THSD4: variants seen among roughly 807,000 people sequenced by gnomAD.
THSD4 encodes thrombospondin type 1 domain containing 4, also known as thrombospondin type-1 domain-containing protein 4.
THSD4 carries 69 observed loss-of-function variants against 119.0 expected under a neutral mutation model. The ratio of observed to expected loss-of-function variants is 0.58; its 90% CI spans 0.48 to 0.71. The LOEUF is 0.71. Ranked by LOEUF, THSD4 falls within the 30% of genes least tolerant of loss-of-function variation. The probability of loss-of-function intolerance (pLI) is 0.00; values close to 1 mark genes in which losing one functional copy is unlikely to be tolerated. For missense variants in THSD4, 1,393 were observed against 1,391.1 expected, an observed-to-expected ratio of 1.00 and a Z score of -0.02; for synonymous variants, 524 against 540.4, an observed-to-expected ratio of 0.97 and a Z score of 0.42.
intron 8 of THSD4, among the ~76,000 whole-genome samples, chr15:71,701,068 A>T (rs1292306223): frequency 6.6e-6 from 1 of 152,188 alleles, no homozygotes; most frequent in Non-Finnish European, 1.5e-5. Context: ...CTATGTCAAA[A>T]GACACTATTA....
chr15:71,438,331 T>A (rs1178219629), intron 7 of THSD4, among the ~76,000 whole-genome samples: 1 of 35,422 alleles, frequency 2.8e-5, no homozygotes, highest in East Asian at 2.2e-3. Context: ...TGAAATTTTG[T>A]TTATTTTTGC....
chr15:71,199,688 G>C (rs1161032100), intron 3 of THSD4, among the ~76,000 whole-genome samples: 1 of 141,948 alleles, frequency 7.0e-6, no homozygotes. Context: ...GTGTGTGTGT[G>C]TGGTGTGTGT....
intron 7 of THSD4, among the ~76,000 whole-genome samples, chr15:71,560,970 C>CTTT (rs11292320): frequency 2.4e-5 from 3 of 123,990 alleles, no homozygotes; most frequent in Admixed American, 1.7e-4. Flanking sequence ...TTCTCTTTAT[C>CTTT]TTTTTTTTTT....
intron 3 of THSD4, among the ~76,000 whole-genome samples, chr15:71,199,605 TGTGTGTGGTGTGTGG>T (rs2043758494): frequency 2.1e-5 from 3 of 143,416 alleles, no homozygotes; most frequent in African/African-American, 5.5e-5. Flanking sequence ...TGATGTATGG[TGTGTGTGGTGTGTGG>T]GTGTGTGGTG....
intron 7 of THSD4, among the ~76,000 whole-genome samples, chr15:71,463,370 G>A (rs1306188823): frequency 2.0e-5 from 3 of 152,116 alleles, no homozygotes; most frequent in Admixed American, 6.5e-5. Flanking sequence ...TCACCTCCCT[G>A]CCCCCTTCCA....
At chr15:71,294,385 G>A (rs2044833203) in intron 6 of THSD4, among the ~76,000 whole-genome samples, 1 of 152,148 alleles carries the variant, frequency 6.6e-6, no homozygotes, top group Non-Finnish European at 1.5e-5. Context: ...GACCCAAGCA[G>A]GCTGAGTTGG....
intron 7 of THSD4, among the ~76,000 whole-genome samples, chr15:71,562,192 A>G (rs1432840148): frequency 6.6e-6 from 1 of 152,214 alleles, no homozygotes; most frequent in African/African-American, 2.4e-5. Flanking sequence ...GGCAAGGGAA[A>G]GCTTGGGGGT....
intron 8 of THSD4, among the ~76,000 whole-genome samples, chr15:71,716,596 T>G (rs1356362223): frequency 1.8e-5 from 2 of 110,996 alleles, no homozygotes; most frequent in South Asian, 2.8e-4. Context: ...TTTTGTTTTT[T>G]TTTTTGTAGT....
chr15:71,687,832 T>C, intron 8 of THSD4, among the ~76,000 whole-genome samples: 1 of 152,070 alleles, frequency 6.6e-6, no homozygotes, highest in East Asian at 1.9e-4. Context: ...AATATTTGAA[T>C]GCAAATATTT....
chr15:71,194,812 C>T (rs1439075234), intron 3 of THSD4, among the ~76,000 whole-genome samples: 1 of 152,220 alleles, frequency 6.6e-6, no homozygotes, highest in Non-Finnish European at 1.5e-5. Flanking sequence ...GATTGTAAGA[C>T]ACAGCCCATG....
At chr15:71,122,181 G>A (rs912023455) in intron 1 of THSD4, among the ~76,000 whole-genome samples, 2 of 152,134 alleles carry the variant, frequency 1.3e-5, no homozygotes, top group Admixed American at 1.3e-4. Flanking sequence ...GGATCTTCTG[G>A]TCAGCTAAGC....
At chr15:71,411,925 C>G in intron 7 of THSD4, 102 bp downstream of exon 7, 2 of 1,494,210 alleles carry the variant, frequency 1.3e-6, no homozygotes, top group South Asian at 1.3e-5. Context: ...TCCCCCCAGC[C>G]CACGTCAGGG....
chr15:71,766,113 GAAGA>G (rs973919072), intron 16 of THSD4, among the ~76,000 whole-genome samples: 2 of 152,102 alleles, frequency 1.3e-5, no homozygotes, highest in South Asian at 2.1e-4. Context: ...GTGTGTAAAT[GAAGA>G]AAGAGAGAGA....
At chr15:71,383,496 G>A (rs184919334) in intron 6 of THSD4, among the ~76,000 whole-genome samples, 4 of 152,290 alleles carry the variant, frequency 2.6e-5, no homozygotes, top group East Asian at 3.9e-4. Context: ...GATATATTGC[G>A]ATATAAATTT....
intron 7 of THSD4, among the ~76,000 whole-genome samples, chr15:71,609,829 GC>G (rs2050187488): frequency 7.1e-6 from 1 of 141,154 alleles, no homozygotes; most frequent in Admixed American, 7.5e-5. Flanking sequence ...TCCAGCCTGG[GC>G]GACAGAGCAA....
At chr15:71,135,247 T>G in intron 1 of THSD4, among the ~76,000 whole-genome samples, 1 of 144,828 alleles carries the variant, frequency 6.9e-6, no homozygotes, top group South Asian at 2.3e-4. Context: ...GGGGTAGCAT[T>G]GGGAGATATA....
chr15:71,608,395 TACTTA>T (rs1252838234), intron 7 of THSD4, among the ~76,000 whole-genome samples: 1 of 152,110 alleles, frequency 6.6e-6, no homozygotes, highest in African/African-American at 2.4e-5. Context: ...ATCCTTTCAT[TACTTA>T]ACATTATAAA....
chr15:71,524,530 GC>G (rs2048488065), intron 7 of THSD4, among the ~76,000 whole-genome samples: 1 of 150,534 alleles, frequency 6.6e-6, no homozygotes, highest in Non-Finnish European at 1.5e-5. Flanking sequence ...TGTAATGTCT[GC>G]CATGAGCACA....
At chr15:71,198,460 C>T (rs1018003810) in intron 3 of THSD4, among the ~76,000 whole-genome samples, 3 of 152,220 alleles carry the variant, frequency 2.0e-5, no homozygotes, top group Non-Finnish European at 4.4e-5. Context: ...GGCCTATATC[C>T]AGGACACTGA....
Sources: gnomAD v4.1 joint callset for allele counts (sites outside exome capture counted in the v4.1 genomes callset) on GRCh38, gnomAD v4.1.1 for gene constraint, MANE v1.5 for transcripts, NCBI Gene and HGNC (gene_info 2026-07-23, HGNC 2026-07-21) for gene names.